Variants in ANKFN1 observed in about 807,000 individuals in gnomAD.
The protein encoded by ANKFN1 is ankyrin repeat and fibronectin type III domain containing 1.
In ANKFN1, 74 loss-of-function variants were observed where a neutral mutation model predicts 108.7. That is an observed-to-expected ratio of 0.68 (90% CI 0.56 to 0.83). ANKFN1 has a LOEUF of 0.83. Among genes scored for constraint, ANKFN1 ranks in the 40% least tolerant of loss-of-function variants. ANKFN1 has a pLI of 0.00. For synonymous variants in ANKFN1, 547 were observed against 516.2 expected, an observed-to-expected ratio of 1.06 and a Z score of -0.81; for missense variants, 1,505 against 1,382.3, an observed-to-expected ratio of 1.09 and a Z score of -1.41.
chr17:56,152,258 ATATATGTGTGTGTGTG>A (rs1293710299), upstream of ANKFN1, among the ~76,000 whole-genome samples: 1 of 84,460 alleles, frequency 1.2e-5, no homozygotes, highest in Non-Finnish European at 2.6e-5. Flanking sequence ...ATATATATAT[ATATATGTGTGTGTGTG>A]TGTGTGTGTG....
intron 4 of ANKFN1, among the ~76,000 whole-genome samples, chr17:56,078,414 GA>G (rs1432998536): frequency 1.3e-5 from 2 of 151,974 alleles, no homozygotes; most frequent in Admixed American, 1.3e-4. Flanking sequence ...AAAATTGCAG[GA>G]AAAAAATGGG....
At chr17:56,421,729 T>C (rs2048410686) in intron 8 of ANKFN1, among the ~76,000 whole-genome samples, 1 of 152,216 alleles carries the variant, frequency 6.6e-6, no homozygotes, top group Non-Finnish European at 1.5e-5. Flanking sequence ...CAAAAGTTTG[T>C]CAAGGATTTT....
At chr17:56,431,846 C>T (rs573450958) in intron 8 of ANKFN1, among the ~76,000 whole-genome samples, 15 of 152,192 alleles carry the variant, frequency 9.9e-5, no homozygotes, top group Non-Finnish European at 2.2e-4. Flanking sequence ...AAACTGACTA[C>T]GTATCTTGGT....
At chr17:56,307,683 A>T (rs1181837181) in intron 3 of ANKFN1, among the ~76,000 whole-genome samples, 1 of 152,194 alleles carries the variant, frequency 6.6e-6, no homozygotes, top group Non-Finnish European at 1.5e-5. Context: ...TTCCTCGGGG[A>T]TCTAGAACTA....
chr17:56,222,511 T>C (rs1037572985), intron 2 of ANKFN1, among the ~76,000 whole-genome samples: 1 of 152,156 alleles, frequency 6.6e-6, no homozygotes, highest in African/African-American at 2.4e-5. Context: ...GTCTGTGAGA[T>C]AGTCTTAAAG....
intron 1 of ANKFN1, among the ~76,000 whole-genome samples, chr17:56,154,642 CA>C (rs60522690): frequency 0.03 from 4,041 of 133,966 alleles, 135 homozygotes; most frequent in African/African-American, 0.1. Context: ...ATGCCAACAC[CA>C]AAAAAAAAAA....
intron 20 of ANKFN1, 67 bp downstream of exon 20, chr17:56,499,165 G>C: frequency 7.1e-7 from 1 of 1,413,978 alleles, no homozygotes; most frequent in Non-Finnish European, 9.6e-7. Context: ...TCACTGATGA[G>C]GACTTTTATG....
At chr17:56,309,833 G>A (rs965950430) in intron 3 of ANKFN1, among the ~76,000 whole-genome samples, 1 of 152,130 alleles carries the variant, frequency 6.6e-6, no homozygotes. Flanking sequence ...ATGTAAATGT[G>A]TTCTCTCTCT....
intron 3 of ANKFN1, among the ~76,000 whole-genome samples, chr17:56,252,683 TG>T (rs1243196031): frequency 6.8e-6 from 1 of 147,876 alleles, no homozygotes; most frequent in Non-Finnish European, 1.5e-5. Context: ...GAGAGTGAGG[TG>T]GGGGGATTGC....
At chr17:56,061,265 CTTTTTTT>C (rs71137190) in intron 4 of ANKFN1, among the ~76,000 whole-genome samples, 44 of 72,932 alleles carry the variant, frequency 6.0e-4, no homozygotes, top group South Asian at 3.1e-3. Flanking sequence ...GGTAGTTTTT[CTTTTTTT>C]TTTTTTTTTT....
intron 8 of ANKFN1, among the ~76,000 whole-genome samples, chr17:56,406,300 A>G (rs2047918793): frequency 6.6e-6 from 1 of 152,174 alleles, no homozygotes; most frequent in Admixed American, 6.5e-5. Context: ...TTTTCCCCCT[A>G]TATTGACAAA....
intron 8 of ANKFN1, among the ~76,000 whole-genome samples, chr17:56,395,577 C>T (rs913161115): frequency 1.3e-5 from 2 of 152,142 alleles, no homozygotes; most frequent in African/African-American, 4.8e-5. Context: ...GGCCGGGTGC[C>T]ATGGCTCACA....
At chr17:56,330,226 T>C (rs2045624486) in intron 4 of ANKFN1, among the ~76,000 whole-genome samples, 1 of 74,290 alleles carries the variant, frequency 1.3e-5, no homozygotes, top group Non-Finnish European at 4.2e-5. Context: ...CACATGGCTG[T>C]GGAGGGCTCA....
rs1905183500 is a variant in ANKFN1, at chr17:56,076,526, G to A, written c.288+30201G>A. On this transcript the variant is annotated intron_variant, in intron 4 of 12. Transcript: ENST00000635860. ...ACTATGGGGGCACTACATGGGGATA[G>A]CAGAGAACAATGATTAATATTACCA... Among the ~76,000 whole-genome samples, 3 of 152,146 alleles carry A rather than the reference G, an allele frequency of 2.0e-5. No homozygotes were observed. The South Asian group carries it at 6.2e-4, about 32-fold the overall frequency.
At chr17:56,169,678 A>T (rs1910475073) in intron 1 of ANKFN1, among the ~76,000 whole-genome samples, 1 of 152,160 alleles carries the variant, frequency 6.6e-6, no homozygotes, top group Non-Finnish European at 1.5e-5. Context: ...ATGGGCATTG[A>T]TCAGAGTGGC....
At chr17:56,075,842 G>C (rs1335842443) in intron 4 of ANKFN1, among the ~76,000 whole-genome samples, 2 of 152,122 alleles carry the variant, frequency 1.3e-5, no homozygotes, top group Admixed American at 1.3e-4. Context: ...GGATCCTGAA[G>C]ACTGACCATG....
intron 14 of ANKFN1, among the ~76,000 whole-genome samples, chr17:56,461,947 G>A (rs1728693776): frequency 6.6e-6 from 1 of 152,168 alleles, no homozygotes; most frequent in South Asian, 2.1e-4. Flanking sequence ...TAGCTCTCCG[G>A]TCCTGCACCG....
In ANKFN1 at chr17:56,212,692, G is replaced by A. The variant is rs370061846; in HGVS notation, c.12+13G>A. On this transcript the variant is annotated intron_variant, in intron 2 of 20. Coordinates refer to ENST00000682825, the MANE Select transcript of ANKFN1 (RefSeq NM_001370326.1). ...CATGAATGAGAAGGTTAGTTTTTCC[G>A]CAGTCCTCCTTGAGCCTATGCAACT... is the stretch of plus-strand genomic sequence containing the variant. Among the ~76,000 whole-genome samples the A allele has an allele frequency of 6.8e-4, 104 of 152,234 alleles. No homozygotes were observed. The highest frequency in any genetic ancestry group is 6.8e-3 in the Middle Eastern group (2 of 294).
intron 1 of ANKFN1, among the ~76,000 whole-genome samples, chr17:56,187,300 G>A (rs1912312642): frequency 6.6e-6 from 1 of 152,156 alleles, no homozygotes; most frequent in South Asian, 2.1e-4. Flanking sequence ...CTTCTCAAAA[G>A]AAGACATTTA....
Sources: allele counts gnomAD v4.1 joint callset (sites outside exome capture counted in the v4.1 genomes callset), GRCh38; gene constraint gnomAD v4.1.1; transcripts MANE v1.5; gene names NCBI Gene and HGNC (gene_info 2026-07-23, HGNC 2026-07-21).